Variants in VAV2 observed in about 807,000 individuals in gnomAD.
The protein encoded by VAV2 is vav guanine nucleotide exchange factor 2.
In VAV2, 67 loss-of-function variants were observed where a neutral mutation model predicts 132.5. That is an observed-to-expected ratio of 0.51 (90% CI 0.42 to 0.62). The LOEUF (loss-of-function observed/expected upper bound fraction) is 0.62. Among genes scored for constraint, VAV2 ranks in the 20% least tolerant of loss-of-function variants. VAV2 has a pLI of 0.00. For synonymous variants in VAV2, 492 were observed against 443.5 expected (o/e 1.11, Z -1.37); for missense variants, 938 against 1,153.6 (o/e 0.81, Z 2.71).
At chr9:133,859,858 C>T (rs1442280583) in intron 3 of VAV2, among the ~76,000 whole-genome samples, 1 of 152,234 alleles carries the variant, frequency 6.6e-6, no homozygotes, top group East Asian at 1.9e-4. Context: ...ATAGCCTATG[C>T]ACCTGGCGGA....
chr9:133,931,542 C>T (rs1414611751), intron 2 of VAV2, among the ~76,000 whole-genome samples: 2 of 152,156 alleles, frequency 1.3e-5, no homozygotes, highest in Non-Finnish European at 2.9e-5. Context: ...CAGCCCTCAC[C>T]TCCTGAACGA....
intron 1 of VAV2, among the ~76,000 whole-genome samples, chr9:133,977,006 T>C (rs1842534177): frequency 6.6e-6 from 1 of 152,192 alleles, no homozygotes; most frequent in Non-Finnish European, 1.5e-5. Flanking sequence ...GGGGTGCCTC[T>C]CCTACAGCCA....
rs148600123 is a variant in VAV2, at chr9:133,812,216, G to A, written c.450C>T (p.Asp150=). 5.8e-4 allele frequency: 939 copies of A among 1,613,594 alleles called. 3 individuals carry two copies. The highest frequency in any genetic ancestry group is 1.3e-3 in the Middle Eastern group (8 of 6,058). The change falls in exon 5 of 30, where the codon GAC becomes GAT. Residue 150 remains aspartate, a splice_region_variant and synonymous_variant. Coordinates refer to ENST00000371850, the MANE Select transcript of VAV2 (RefSeq NM_001134398.2). The part of the protein sequence containing the change: ...DVYRSLEELA[D]EHDLGEDIYD... ...AGATGTCCTCCCCCAGGTCATGCTC[G>A]CTGCACAGGAGGAGGCGGGTTAGAG... is the stretch of plus-strand genomic sequence containing the variant.
rs137941348 is a variant in VAV2, at chr9:133,883,272, C to T, written c.322-21840G>A. ...TGCGAAGAGCCCTGGTAATTGACAA[C>T]GATTCTCTGCACAAATGGCGGACCC... On this transcript the variant is annotated intron_variant, in intron 2 of 29. Transcript: ENST00000371850. The surrounding 1 kb of genome is among the most constrained non-coding windows in gnomAD (Gnocchi z 4.2). Among the ~76,000 whole-genome samples the T allele has an allele frequency of 1.1e-3, 166 of 152,318 alleles. No individual in the cohort carries two copies. The highest frequency in any genetic ancestry group is 2.0e-3 in the African/African-American group (84 of 41,558).
chr9:133,976,826 G>A (rs1331294298), intron 1 of VAV2, among the ~76,000 whole-genome samples: 1 of 152,200 alleles, frequency 6.6e-6, no homozygotes, highest in Non-Finnish European at 1.5e-5. Flanking sequence ...ACTCTGTGTG[G>A]ATCCCCCATT....
intron 2 of VAV2, among the ~76,000 whole-genome samples, chr9:133,931,659 C>G (rs1367761424): frequency 2.6e-5 from 4 of 152,214 alleles, no homozygotes; most frequent in Non-Finnish European, 5.9e-5. Context: ...CTGCTCACCC[C>G]GCTCCAGCCC....
intron 3 of VAV2, among the ~76,000 whole-genome samples, chr9:133,848,509 T>C (rs1837038468): frequency 6.6e-6 from 1 of 152,188 alleles, no homozygotes; most frequent in Admixed American, 6.5e-5. Flanking sequence ...GTTAAATTAA[T>C]GCATCAATAA....
At chr9:133,808,511 T>C (rs1452786540) in intron 7 of VAV2, among the ~76,000 whole-genome samples, 1 of 152,004 alleles carries the variant, frequency 6.6e-6, no homozygotes, top group East Asian at 1.9e-4. Context: ...CTCAGCACTC[T>C]AGGAGCTCAG....
chr9:133,788,550 G>A lies in VAV2; in HGVS notation c.1275-64C>T, dbSNP rs961688639. The A allele has an allele frequency of 6.3e-5, 98 of 1,566,056 alleles. No homozygotes were observed. The highest frequency in any genetic ancestry group is 8.0e-5 in the Non-Finnish European group (92 of 1,146,368). On this transcript the variant is annotated intron_variant, in intron 14 of 29. Coordinates refer to ENST00000371850, the MANE Select transcript of VAV2 (RefSeq NM_001134398.2). This position sits in a 1 kb window ranked among gnomAD's most constrained non-coding sequence, Gnocchi z 5.3. ...ACTGTGTGCTCTGCTCCGAGGAGGC[G>A]GCAGGAGCTGAGCCTGAGGCTCTGG...
At chr9:133,853,577 C>T (rs1358007690) in intron 3 of VAV2, among the ~76,000 whole-genome samples, 2 of 152,086 alleles carry the variant, frequency 1.3e-5, no homozygotes, top group African/African-American at 4.8e-5. Context: ...AACGGCCAAG[C>T]GGAGTCTGCA....
chr9:133,983,577 C>T (rs976630090), intron 1 of VAV2, among the ~76,000 whole-genome samples: 1 of 152,200 alleles, frequency 6.6e-6, no homozygotes, highest in Non-Finnish European at 1.5e-5. Context: ...ACCCAGCATT[C>T]CTCCCGGTCT....
chr9:133,888,250 C>T (rs1348291565), intron 2 of VAV2, among the ~76,000 whole-genome samples: 4 of 152,192 alleles, frequency 2.6e-5, no homozygotes, highest in Non-Finnish European at 5.9e-5. Context: ...TCCGCCTGGG[C>T]GGATGAAGCA....
In VAV2 at chr9:133,963,162, G is replaced by A. The variant is rs1271260528; in HGVS notation, c.205-23943C>T. Among the ~76,000 whole-genome samples, 9 of 152,266 alleles carry A rather than the reference G, an allele frequency of 5.9e-5. No individual in the cohort carries two copies. In the East Asian group the frequency reaches 7.7e-4, roughly 13 times the overall value. On this transcript the variant is annotated intron_variant, in intron 1 of 29. Transcript: ENST00000371850. ...ATGGTGCCCGGCAGAACTCGGGGTCGAAGCTACAAGAGCTTCCCCAGGACC... is the reference window on the plus strand; with the variant it reads ...ATGGTGCCCGGCAGAACTCGGGGTCAAAGCTACAAGAGCTTCCCCAGGACC...
intron 16 of VAV2, 96 bp from the exon 17 acceptor site, chr9:133,785,981 T>C: frequency 1.8e-6 from 2 of 1,085,154 alleles, no homozygotes; most frequent in Non-Finnish European, 2.8e-6. Context: ...CATGTGCACG[T>C]GTGTATATGC....
At chr9:133,964,235 G>A (rs1842075122) in intron 1 of VAV2, among the ~76,000 whole-genome samples, 2 of 150,750 alleles carry the variant, frequency 1.3e-5, no homozygotes, top group South Asian at 4.2e-4. Flanking sequence ...GCACACGCCT[G>A]TAGTCCCAGC....
At position 133,935,757 on chromosome 9, in the gene VAV2, T is replaced by C. The variant is rs1395998535; in HGVS notation, c.321+3346A>G. Among the ~76,000 whole-genome samples the C allele has an allele frequency of 2.6e-5, 4 of 152,044 alleles. No individual in the cohort carries two copies. The highest frequency in any genetic ancestry group is 9.7e-5 in the African/African-American group (4 of 41,382). ...CAGCTTGACCACGGTAGGAAAAACA[T>C]CCAGGGAAGGAAGCAAGCACCGCCA... On this transcript the variant is annotated intron_variant, in intron 2 of 29. Transcript: ENST00000371850. The surrounding 1 kb of genome is among the most constrained non-coding windows in gnomAD (Gnocchi z 5.2).
intron 2 of VAV2, among the ~76,000 whole-genome samples, chr9:133,881,476 T>C (rs1368259713): frequency 6.6e-6 from 1 of 152,194 alleles, no homozygotes; most frequent in Non-Finnish European, 1.5e-5. Context: ...AGGCAAGCTC[T>C]GACGGATTCC....
chr9:133,774,276 CT>C (rs1833732530), intron 25 of VAV2, among the ~76,000 whole-genome samples: 1 of 152,202 alleles, frequency 6.6e-6, no homozygotes, highest in South Asian at 2.1e-4. Flanking sequence ...TGTGTGCGCC[CT>C]ACCCCCAGCT....
At chr9:133,895,428 C>T (rs72762881) in intron 2 of VAV2, among the ~76,000 whole-genome samples, 59 of 152,312 alleles carry the variant, frequency 3.9e-4, no homozygotes, top group Non-Finnish European at 6.8e-4. Flanking sequence ...CTCAAATGTC[C>T]GTCAACAGAT....
Sources: gnomAD v4.1 joint callset for allele counts (sites outside exome capture counted in the v4.1 genomes callset) on GRCh38, gnomAD v4.1.1 for gene constraint, Gnocchi (gnomAD v3.1) non-coding constraint, MANE v1.5 for transcripts, NCBI Gene and HGNC (gene_info 2026-07-23, HGNC 2026-07-21) for gene names.